The following SRRM2 variants were observed in gnomAD, a reference collection of about 807,000 sequenced individuals.
SRRM2 encodes the protein serine/arginine repetitive matrix 2, also known as serine/arginine repetitive matrix protein 2.
A neutral mutation model predicts 213.8 loss-of-function variants in SRRM2; 30 were observed. The ratio of observed to expected loss-of-function variants is 0.14; its 90% CI spans 0.10 to 0.19. The LOEUF is 0.19. SRRM2 is among the 10% of genes least tolerant of loss of function. The probability of loss-of-function intolerance (pLI) is 1.00; values close to 1 mark genes in which losing one functional copy is unlikely to be tolerated. For synonymous variants in SRRM2, 2,025 were observed against 1,377.7 expected, an observed-to-expected ratio of 1.47 and a Z score of -10.40; for missense variants, 4,904 against 3,647.0, an observed-to-expected ratio of 1.34 and a Z score of -8.88.
In SRRM2 at chr16:2,766,171, C is replaced by T. The variant is rs771577866; in HGVS notation, c.5643C>T (p.Pro1881=). ...ACCGGCGATCCAGGTCCAGAACCCCCCTGATAAGCCGACGTAGGTCCAGAT... is the reference window on the plus strand; with the variant it reads ...ACCGGCGATCCAGGTCCAGAACCCCTCTGATAAGCCGACGTAGGTCCAGAT... ...ATHRRSRSRT[P]LISRRRSRSR... The change falls in exon 11 of 15, where the codon CCC becomes CCT. Residue 1881 remains proline (P), a synonymous_variant. Transcript: ENST00000301740. This position sits in a 1 kb window ranked among gnomAD's most constrained non-coding sequence, Gnocchi z 7.0. The T allele has an allele frequency of 1.2e-6, 2 of 1,614,142 alleles. No homozygotes were observed. Among genetic ancestry groups the T allele is most frequent in the African/African-American group, 1.3e-5 (1 of 75,028 alleles).
At position 2,766,203 on chromosome 16, in the gene SRRM2, C is replaced by T. The variant is rs961483782; in HGVS notation, c.5675C>T (p.Thr1892Ile). ...LISRRRSRSR[T>I]SPVSRRRSRS... is the part of the protein sequence containing the mutation. ...AGCCGACGTAGGTCCAGATCTCGAA[C>T]TTCACCAGTCAGCCGGAGACGGTCA... The change falls in exon 11 of 15, where the codon ACT becomes ATT. Residue 1892 changes from threonine to isoleucine, a missense_variant. Coordinates refer to ENST00000301740, the MANE Select transcript of SRRM2 (RefSeq NM_016333.4). The surrounding 1 kb of genome is among the most constrained non-coding windows in gnomAD (Gnocchi z 7.0). 6 of 1,614,100 alleles carry T rather than the reference C, an allele frequency of 3.7e-6. No individual in the cohort carries two copies. Among genetic ancestry groups the T allele is most frequent in the Admixed American group, 1.7e-5 (1 of 60,006 alleles).
intron 12 of SRRM2, 55 bp downstream of exon 12, chr16:2,769,339 G>A: frequency 6.6e-7 from 1 of 1,519,180 alleles, no homozygotes; most frequent in Non-Finnish European, 8.8e-7. Flanking sequence ...CTTGTCCAGA[G>A]AAGGGGCCCT....
In SRRM2 at chr16:2,766,167, C is replaced by G. The variant is rs778370386; in HGVS notation, c.5639C>G (p.Thr1880Ser). The change falls in exon 11 of 15, where the codon ACC (threonine) becomes AGC (serine). Residue 1880 changes from threonine to serine, a missense_variant. Coordinates refer to ENST00000301740, the MANE Select transcript of SRRM2 (RefSeq NM_016333.4). The surrounding 1 kb of genome is among the most constrained non-coding windows in gnomAD (Gnocchi z 7.0). Reference sequence around the variant, plus strand: ...ACTCACCGGCGATCCAGGTCCAGAACCCCCCTGATAAGCCGACGTAGGTCC... The same window carrying G: ...ACTCACCGGCGATCCAGGTCCAGAAGCCCCCTGATAAGCCGACGTAGGTCC... The part of the protein sequence containing the change: ...PATHRRSRSR[T>S]PLISRRRSRS... The G allele has an allele frequency of 3.7e-6, 6 of 1,614,166 alleles. No homozygotes were observed. Among genetic ancestry groups the G allele is most frequent in the Non-Finnish European group, 2.5e-6 (3 of 1,180,036 alleles).
rs762174243 is a variant in SRRM2 at position 2,766,438 on chromosome 16, T to C, written c.5910T>C (p.Ser1970=). Reference sequence around the variant, plus strand: ...CTCCACCAGTAACCAGGAGGCGATCTCGAAGCAGAACTTCGCCTATCACTC... The same window carrying C: ...CTCCACCAGTAACCAGGAGGCGATCCCGAAGCAGAACTTCGCCTATCACTC... ...SRTPPVTRRR[S]RSRTSPITRR... is the part of the protein sequence containing the mutation. The change falls in exon 11 of 15, where the codon TCT becomes TCC. Residue 1970 remains serine (S), a synonymous_variant. Coordinates refer to ENST00000301740, the MANE Select transcript of SRRM2 (RefSeq NM_016333.4). This position sits in a 1 kb window ranked among gnomAD's most constrained non-coding sequence, Gnocchi z 7.0. 1 of 1,613,912 alleles carries C rather than the reference T, an allele frequency of 6.2e-7. No homozygotes were observed. Among genetic ancestry groups the C allele is most frequent in the East Asian group, 2.2e-5 (1 of 44,878 alleles).
At chr16:2,770,303 C>G (rs780838753) in intron 12 of SRRM2, 49 bp from the exon 13 acceptor site, 2 of 1,518,176 alleles carry the variant, frequency 1.3e-6, no homozygotes, top group Non-Finnish European at 1.8e-6. Flanking sequence ...AGTGCTGGCC[C>G]GTGTGCTTGA....
intron 12 of SRRM2, 35 bp downstream of exon 12, chr16:2,769,319 G>T (rs758478509): frequency 2.6e-6 from 4 of 1,530,294 alleles, no homozygotes; most frequent in African/African-American, 1.4e-5. Context: ...AAAGGTGGGT[G>T]GGGGAGTGAC....
chr16:2,767,855 G>C lies in SRRM2; in HGVS notation c.7327G>C (p.Ala2443Pro), dbSNP rs2068597051. The stretch of plus-strand genomic sequence containing the variant: ...TCCTTCACAGTCTCTTCTCCCTCCA[G>C]CACAGGATCAGCCGAGGTCTCCTGT... The part of the protein sequence containing the change: ...QAPSQSLLPP[A>P]QDQPRSPVPS... The change falls in exon 11 of 15, where the codon GCA becomes CCA. Residue 2443 changes from alanine to proline, a missense_variant. By Grantham distance (27) the Ala-to-Pro change is conservative (BLOSUM62 -1). Coordinates refer to ENST00000301740, the MANE Select transcript of SRRM2 (RefSeq NM_016333.4). The C allele has an allele frequency of 6.2e-7, 1 of 1,613,948 alleles. No individual in the cohort carries two copies.
At position 2,769,132 on chromosome 16, in the gene SRRM2, C is replaced by CTCTTCT. The variant is rs1567247446; in HGVS notation, c.7871_7872insTTCTTC (p.Ser2647_Ser2648dup). 6.2e-7 allele frequency: 1 copy of CTCTTCT among 1,612,998 alleles called. No individual in the cohort carries two copies. Among genetic ancestry groups the CTCTTCT allele is most frequent in the Non-Finnish European group, 8.5e-7 (1 of 1,179,074 alleles). On this transcript the variant is annotated inframe_insertion, in exon 12 of 15. Coordinates refer to ENST00000301740, the MANE Select transcript of SRRM2 (RefSeq NM_016333.4). ...CCTCTTCATCTTCCTCCTCCTCCTC[C>CTCTTCT]TCCTCCTCTTCTTCCTCCTCCTCTT...
rs933246362 is a variant in SRRM2, at chr16:2,765,634, A to G, written c.5106A>G (p.Arg1702=). Residue 1702 remains arginine, a synonymous_variant, in exon 11 of 15, where the codon AGA becomes AGG. Coordinates refer to ENST00000301740, the MANE Select transcript of SRRM2 (RefSeq NM_016333.4). ...CTCCGGAGCTAACAAGGAAGGCCAG[A>G]CTGTCCCGTAGAAGCCGCTCTGCCT... ...RSSPELTRKA[R]LSRRSRSASS... 1.9e-6 allele frequency: 3 copies of G among 1,614,002 alleles called. No homozygotes were observed. Among genetic ancestry groups the G allele is most frequent in the African/African-American group, 2.7e-5 (2 of 74,922 alleles).
At chr16:2,770,570 C>A in intron 13 of SRRM2, 34 bp from the exon 14 acceptor site, 1 of 1,551,178 alleles carries the variant, frequency 6.4e-7, no homozygotes, top group Non-Finnish European at 8.7e-7. Flanking sequence ...GAGGTGGTGC[C>A]ACCCTGTGGC....
chr16:2,769,499 G>A (rs2068664565), intron 12 of SRRM2: 1 of 636,576 alleles, frequency 1.6e-6, no homozygotes. Flanking sequence ...CAGGACCAGG[G>A]GGTCCTTGGT....
chr16:2,763,874 C>G lies in SRRM2; in HGVS notation c.3346C>G (p.Gln1116Glu). The G allele has an allele frequency of 4.3e-6, 7 of 1,614,204 alleles. No individual in the cohort carries two copies. The highest frequency in any genetic ancestry group is 5.9e-6 in the Non-Finnish European group (7 of 1,180,046). Residue 1116 changes from glutamine to glutamate, a missense_variant, in exon 11 of 15, where the codon CAA (glutamine) becomes GAA (glutamate). Gln to Glu is a conservative substitution (Grantham distance 29). Transcript: ENST00000301740. Reference sequence around the variant, plus strand: ...GCTGGCATCCAGATCTCCAATAAGACAAGATAGAGGTGAGTTCTCAGCGAG... The same window carrying G: ...GCTGGCATCCAGATCTCCAATAAGAGAAGATAGAGGTGAGTTCTCAGCGAG... ...TELASRSPIRQDRGEFSASPM... is the reference protein window; with the variant it reads ...TELASRSPIREDRGEFSASPM...
intron 1 of SRRM2, among the ~76,000 whole-genome samples, chr16:2,754,614 G>T (rs1197994517): frequency 6.6e-6 from 1 of 152,144 alleles, no homozygotes; most frequent in African/African-American, 2.4e-5. Context: ...TAAGGAGTGG[G>T]GGGATTTTTG....
At position 2,763,609 on chromosome 16, in the gene SRRM2, A is replaced by G. The variant is rs530922815; in HGVS notation, c.3081A>G (p.Gln1027=). The G allele has an allele frequency of 3.7e-6, 6 of 1,613,932 alleles. No individual in the cohort carries two copies. The highest frequency in any genetic ancestry group is 2.7e-5 in the African/African-American group (2 of 74,888). Residue 1027 remains glutamine (Q), a synonymous_variant, in exon 11 of 15, where the codon CAA becomes CAG. Transcript: ENST00000301740. ...PQEKSKDSLV[Q]SCPGSLSLCA... ...AGAAGTCTAAAGACTCACTAGTTCA[A>G]AGTTGCCCTGGATCCCTCTCTCTCT...
At position 2,771,026 on chromosome 16, in the gene SRRM2, T is replaced by G; in HGVS notation, c.*159T>G. The G allele has an allele frequency of 1.3e-6, 1 of 788,836 alleles. No individual in the cohort carries two copies. The highest frequency in any genetic ancestry group is 1.8e-5 in the African/African-American group (1 of 56,488). 48.9% of individuals were successfully genotyped at this position (788,836 alleles called of 1,614,324 possible). On this transcript the variant is annotated 3_prime_UTR_variant, in exon 15 of 15. Transcript: ENST00000301740. ...CTTTCCCTCCCCTTTTTTTTTTCTT[T>G]GTTCCTGTGAAATGTTAATCTCCGT...
In SRRM2 at chr16:2,766,452, C is replaced by T. The variant is rs2068546465; in HGVS notation, c.5924C>T (p.Ser1975Leu). ...VTRRRSRSRT[S>L]PITRRRSRSR... ...AGGAGGCGATCTCGAAGCAGAACTT[C>T]GCCTATCACTCGCAGAAGATCAAGA... Residue 1975 changes from serine to leucine, a missense_variant, in exon 11 of 15, where the codon TCG (serine) becomes TTG (leucine). By Grantham distance (145) the Ser-to-Leu change is moderately radical. Coordinates refer to ENST00000301740, the MANE Select transcript of SRRM2 (RefSeq NM_016333.4). The surrounding 1 kb of genome is among the most constrained non-coding windows in gnomAD (Gnocchi z 7.0). The T allele has an allele frequency of 3.7e-6, 6 of 1,614,068 alleles. No individual in the cohort carries two copies. The highest frequency in any genetic ancestry group is 1.3e-5 in the African/African-American group (1 of 74,990).
intron 12 of SRRM2, chr16:2,769,835 C>T (rs970953334): frequency 2.6e-5 from 12 of 465,602 alleles, no homozygotes; most frequent in African/African-American, 7.9e-5. Flanking sequence ...TCCTCCTGCC[C>T]GCCCCCACAC....
Position 2,762,941 on chromosome 16 carries a change from A to G in SRRM2, c.2413A>G (p.Lys805Glu). 2 of 1,610,322 alleles carry G rather than the reference A, an allele frequency of 1.2e-6. No individual in the cohort carries two copies. Among genetic ancestry groups the G allele is most frequent in the Non-Finnish European group, 1.7e-6 (2 of 1,176,806 alleles). The change falls in exon 11 of 15, where the codon AAA (lysine) becomes GAA (glutamate). Residue 805 changes from lysine to glutamate, a missense_variant. Physicochemically the swap from Lys to Glu is moderately conservative, Grantham distance 56 (BLOSUM62 1). Transcript: ENST00000301740. ...CAGTCGCTCTGGATCCTCCCAACCTAAAGCTAAATCTAGAACGCCACCCAG... is the reference window on the plus strand; with the variant it reads ...CAGTCGCTCTGGATCCTCCCAACCTGAAGCTAAATCTAGAACGCCACCCAG... ...RRSRSGSSQP[K>E]AKSRTPPRRS... is the part of the protein sequence containing the mutation.
rs542675971 is a variant in SRRM2, at chr16:2,756,565, G to A, written c.201G>A (p.Glu67=). 2 of 1,614,064 alleles carry A rather than the reference G, an allele frequency of 1.2e-6. No homozygotes were observed. The highest frequency in any genetic ancestry group is 1.1e-5 in the South Asian group (1 of 91,076). ...ILDHERKRRV[E]LRCLELEEMM... ...ACCACGAGCGCAAGCGGCGCGTCGA[G>A]CTGCGATGCCTCGAGCTGGAGGAGA... The change falls in exon 2 of 15, where the codon GAG becomes GAA. Residue 67 remains glutamate, a synonymous_variant. Transcript: ENST00000301740.
Sources: gnomAD v4.1 joint callset for allele counts (sites outside exome capture counted in the v4.1 genomes callset) on GRCh38, gnomAD v4.1.1 for gene constraint, Gnocchi (gnomAD v3.1) non-coding constraint, MANE v1.5 for transcripts, NCBI Gene and HGNC (gene_info 2026-07-23, HGNC 2026-07-21) for gene names.